ADCY9: variants seen among roughly 807,000 people sequenced by gnomAD.
The protein encoded by ADCY9 is adenylate cyclase type 9.
In ADCY9, 50 loss-of-function variants were observed where a neutral mutation model predicts 101.5. The observed-to-expected ratio is 0.49, with a 90% CI of 0.39 to 0.62. ADCY9 has a LOEUF of 0.62. Ranked by LOEUF, ADCY9 falls within the 20% of genes least tolerant of loss-of-function variation. The probability of loss-of-function intolerance (pLI) is 0.00; values close to 1 mark genes in which losing one functional copy is unlikely to be tolerated. For missense variants in ADCY9, 1,662 were observed against 1,800.4 expected (o/e 0.92, Z 1.39); for synonymous variants, 905 against 769.3 (o/e 1.18, Z -2.92).
At chr16:4,095,976 C>CAAAAAAAA (rs56897380) in intron 2 of ADCY9, among the ~76,000 whole-genome samples, 3 of 115,442 alleles carry the variant, frequency 2.6e-5, no homozygotes, top group Non-Finnish European at 3.5e-5. Flanking sequence ...GACTCTATCT[C>CAAAAAAAA]AAAAAAAAAA....
intron 2 of ADCY9, among the ~76,000 whole-genome samples, chr16:4,077,501 G>A (rs908570025): frequency 4.6e-5 from 7 of 151,902 alleles, no homozygotes; most frequent in African/African-American, 1.2e-4. Context: ...TTCTTACAGC[G>A]GGAAAACACC....
intron 2 of ADCY9, among the ~76,000 whole-genome samples, chr16:4,111,603 G>C (rs1365038231): frequency 1.3e-5 from 2 of 152,158 alleles, no homozygotes; most frequent in East Asian, 3.9e-4. Flanking sequence ...TCTATTCCTG[G>C]AGTCCTATCC....
At chr16:4,014,242 C>T (rs2056422630) in intron 2 of ADCY9, among the ~76,000 whole-genome samples, 1 of 151,138 alleles carries the variant, frequency 6.6e-6, no homozygotes, top group African/African-American at 2.4e-5. Flanking sequence ...TTGCTTGAAC[C>T]CAGGAGGCGG....
chr16:4,026,581 G>A (rs901559684), intron 2 of ADCY9, among the ~76,000 whole-genome samples: 5 of 152,130 alleles, frequency 3.3e-5, no homozygotes, highest in African/African-American at 1.2e-4. Flanking sequence ...CCAAAACCTG[G>A]AAACCAACCT....
chr16:4,045,125 C>G (rs116674708), intron 2 of ADCY9, among the ~76,000 whole-genome samples: 1 of 151,908 alleles, frequency 6.6e-6, no homozygotes, highest in Non-Finnish European at 1.5e-5. Context: ...GAGTCTAGTA[C>G]CATTTTTAGA....
chr16:3,974,696 G>C lies in ADCY9; in HGVS notation c.2843C>G (p.Ser948Trp). Residue 948 changes from serine (S) to tryptophan (W), a missense_variant, in exon 10 of 11, where the codon TCG (serine) becomes TGG (tryptophan). By Grantham distance (177) the Ser-to-Trp change is radical. Around this residue, in one of 5 missense-constraint regions of ADCY9, gnomAD observed 624 missense variants for 639.1 expected, o/e 0.98. Transcript: ENST00000294016. ...GAAATTCTGTACTGCGTCAAGGGGC[G>C]AAGTTAATACAGAACTGAAATTAAA... is the stretch of plus-strand genomic sequence containing the variant. Reference protein sequence around the residue: ...SLCPDSSVLTSPLDAVQNFSS... With the variant: ...SLCPDSSVLTWPLDAVQNFSS... The C allele has an allele frequency of 6.2e-7, 1 of 1,612,790 alleles. No individual in the cohort carries two copies. The highest frequency in any genetic ancestry group is 8.5e-7 in the Non-Finnish European group (1 of 1,178,966).
chr16:4,090,554 C>G (rs529434255), intron 2 of ADCY9, among the ~76,000 whole-genome samples: 1 of 152,176 alleles, frequency 6.6e-6, no homozygotes, highest in East Asian at 1.9e-4. Flanking sequence ...CCTCCCTGTG[C>G]TCCGAAGCCA....
At chr16:4,067,674 G>C (rs2056808749) in intron 2 of ADCY9, among the ~76,000 whole-genome samples, 2 of 152,146 alleles carry the variant, frequency 1.3e-5, no homozygotes, top group Non-Finnish European at 2.9e-5. Flanking sequence ...GAAGTTCCGA[G>C]ATCAGCACAG....
At chr16:4,097,172 C>T (rs144689976) in intron 2 of ADCY9, among the ~76,000 whole-genome samples, 2 of 152,020 alleles carry the variant, frequency 1.3e-5, no homozygotes, top group African/African-American at 2.4e-5. Context: ...TTCTGCCCTG[C>T]GCCCCACGCC....
At chr16:4,034,575 A>G (rs1023621514) in intron 2 of ADCY9, among the ~76,000 whole-genome samples, 7 of 151,950 alleles carry the variant, frequency 4.6e-5, no homozygotes, top group African/African-American at 1.7e-4. Context: ...AGGCCCAGCT[A>G]ATTTTTGTAT....
chr16:4,051,178 A>C (rs764614037), intron 2 of ADCY9, among the ~76,000 whole-genome samples: 59 of 151,918 alleles, frequency 3.9e-4, no homozygotes, highest in Admixed American at 5.9e-4. Context: ...ACGCCATTGC[A>C]CTCCAGCCGG....
rs1555447362 is a variant in ADCY9 at position 4,108,706 on chromosome 16, C to CTA, written c.1693+5043_1693+5044insTA. Among the ~76,000 whole-genome samples the CTA allele has an allele frequency of 1.4e-4, 17 of 124,522 alleles. 1 individual carries two copies. The highest frequency in any genetic ancestry group is 2.6e-4 in the Non-Finnish European group (16 of 61,424). 81.7% of individuals were successfully genotyped at this position (124,522 alleles called of 152,430 possible). ...ATATCTTTAATAACTGTCCCTCACA[C>CTA]TTTTTTTTTTTTTTTTGAGACAGGG... On this transcript the variant is annotated intron_variant, in intron 2 of 10. Transcript: ENST00000294016.
intron 2 of ADCY9, among the ~76,000 whole-genome samples, chr16:4,038,902 C>CA (rs2056608192): frequency 6.6e-6 from 1 of 152,236 alleles, no homozygotes; most frequent in South Asian, 2.1e-4. Flanking sequence ...TCCAGGCTTC[C>CA]AGTTTCTCCT....
chr16:4,026,130 A>C (rs576684470), intron 2 of ADCY9, among the ~76,000 whole-genome samples: 1 of 152,284 alleles, frequency 6.6e-6, no homozygotes, highest in South Asian at 2.1e-4. Flanking sequence ...GCCCATTATG[A>C]AACTAAAGTA....
rs534906920 is a variant in ADCY9 at position 4,113,825 on chromosome 16, C to G, written c.1618G>C (p.Asp540His). Residue 540 changes from aspartate (D) to histidine (H), a missense_variant, in exon 2 of 11, where the codon GAT becomes CAT. Asp to His is a moderately conservative substitution (Grantham distance 81, BLOSUM62 -1). Around this residue, in one of 5 missense-constraint regions of ADCY9, gnomAD observed 624 missense variants for 639.1 expected, o/e 0.98. Coordinates refer to ENST00000294016, the MANE Select transcript of ADCY9 (RefSeq NM_001116.4). ...CCATCTTCCATTTCGTACCGGTCAT[C>G]TAAGTATTTTGCGGTGGCCTCAGAA... ...HISEATAKYL[D>H]DRYEMEDGKV... The G allele has an allele frequency of 3.1e-6, 5 of 1,614,192 alleles. No individual in the cohort carries two copies. In the East Asian group the frequency reaches 8.9e-5, roughly 29 times the overall value.
chr16:3,988,504 G>GATTCCCTTCCA (rs2056215281), intron 6 of ADCY9, among the ~76,000 whole-genome samples: 1 of 143,752 alleles, frequency 7.0e-6, no homozygotes, highest in Non-Finnish European at 1.5e-5. Flanking sequence ...AGGTGTGGGG[G>GATTCCCTTCCA]GTTCCCTTCC....
intron 2 of ADCY9, chr16:4,015,727 G>A (rs1407231613): frequency 6.6e-6 from 1 of 152,208 alleles, no homozygotes; most frequent in African/African-American, 2.4e-5. Context: ...AGGACTTTGA[G>A]AGGCCGAGGT....
At chr16:4,068,221 G>A (rs1291096264) in intron 2 of ADCY9, among the ~76,000 whole-genome samples, 1 of 151,320 alleles carries the variant, frequency 6.6e-6, no homozygotes, top group African/African-American at 2.4e-5. Flanking sequence ...TGCCTTTTTT[G>A]CCAACTAGGA....
intron 2 of ADCY9, among the ~76,000 whole-genome samples, chr16:4,016,535 G>A (rs990124922): frequency 2.0e-5 from 3 of 152,160 alleles, no homozygotes; most frequent in South Asian, 2.1e-4. Context: ...CAGCTCATCC[G>A]TAGGTTTCTA....
Sources: gnomAD v4.1 joint callset for allele counts (sites outside exome capture counted in the v4.1 genomes callset) on GRCh38, gnomAD v4.1.1 for gene constraint, gnomAD v4.1.1 regional missense constraint, MANE v1.5 for transcripts, NCBI Gene and HGNC (gene_info 2026-07-23, HGNC 2026-07-21) for gene names.